The following UEVLD variants were observed in gnomAD, a reference collection of about 807,000 sequenced individuals.
UEVLD encodes ubiquitin-conjugating enzyme E2 variant 3.
UEVLD carries 47 observed loss-of-function variants against 58.6 expected under a neutral mutation model. The ratio of observed to expected loss-of-function variants is 0.80; its 90% CI spans 0.63 to 1.02. The LOEUF (loss-of-function observed/expected upper bound fraction) is 1.02. Among genes scored for constraint, UEVLD ranks in the 50% least tolerant of loss-of-function variants. UEVLD has a pLI of 0.00. For missense variants in UEVLD, 510 were observed against 550.6 expected (o/e 0.93, Z 0.74); for synonymous variants, 197 against 195.3 (o/e 1.01, Z -0.07).
At chr11:18,568,546 C>A (rs1341297870) in intron 4 of UEVLD, among the ~76,000 whole-genome samples, 1 of 152,172 alleles carries the variant, frequency 6.6e-6, no homozygotes, top group Non-Finnish European at 1.5e-5. Context: ...GTCCTTCCAA[C>A]TGACAAATTT....
chr11:18,557,326 G>T (rs1381874790), intron 7 of UEVLD, among the ~76,000 whole-genome samples: 3 of 150,620 alleles, frequency 2.0e-5, no homozygotes, highest in Non-Finnish European at 3.0e-5. Flanking sequence ...TAATTTTTTT[G>T]TATTTTTAGT....
At chr11:18,550,195 C>T (rs1347585919) in intron 7 of UEVLD, among the ~76,000 whole-genome samples, 2 of 152,022 alleles carry the variant, frequency 1.3e-5, no homozygotes, top group African/African-American at 2.4e-5. Context: ...GCTATGTTGC[C>T]GAGGCTGGAT....
chr11:18,538,649 A>G (rs1850916070), intron 9 of UEVLD, among the ~76,000 whole-genome samples: 1 of 127,502 alleles, frequency 7.8e-6, no homozygotes, highest in African/African-American at 2.8e-5. Flanking sequence ...TGTTGGGTAC[A>G]CAATCGAGGA....
chr11:18,576,606 G>T (rs1351006395), intron 2 of UEVLD, among the ~76,000 whole-genome samples: 1 of 152,076 alleles, frequency 6.6e-6, no homozygotes, highest in East Asian at 1.9e-4. Context: ...AAGCTTACAA[G>T]ATTCTGGTCC....
At chr11:18,540,305 A>G (rs867641760) in intron 9 of UEVLD, among the ~76,000 whole-genome samples, 48 of 152,332 alleles carry the variant, frequency 3.2e-4, no homozygotes, top group African/African-American at 1.1e-3. Context: ...GAGATATGCA[A>G]AATATTTAAT....
intron 8 of UEVLD, among the ~76,000 whole-genome samples, chr11:18,545,075 T>TCTATATATATA (rs60959151): frequency 0.02 from 2,325 of 117,186 alleles, 49 homozygotes; most frequent in Middle Eastern, 0.033. Context: ...TATATCTATA[T>TCTATATATATA]TTTTTTTTTT....
At chr11:18,581,849 T>C (rs1436663370) in intron 1 of UEVLD, among the ~76,000 whole-genome samples, 2 of 152,200 alleles carry the variant, frequency 1.3e-5, no homozygotes, top group Non-Finnish European at 2.9e-5. Context: ...GATAGAATTA[T>C]GTTTTTTGGA....
chr11:18,569,039 C>T (rs532407995), intron 4 of UEVLD, among the ~76,000 whole-genome samples: 6 of 152,128 alleles, frequency 3.9e-5, no homozygotes, highest in East Asian at 1.9e-4. Flanking sequence ...GGACTACAGG[C>T]GCCCACCACC....
intron 7 of UEVLD, among the ~76,000 whole-genome samples, chr11:18,552,956 C>T (rs1417573478): frequency 6.6e-6 from 1 of 151,614 alleles, no homozygotes; most frequent in East Asian, 1.9e-4. Flanking sequence ...CAGATCGAGA[C>T]CATCCTGGCT....
At chr11:18,543,532 G>A (rs998222782) in intron 9 of UEVLD, among the ~76,000 whole-genome samples, 1 of 152,098 alleles carries the variant, frequency 6.6e-6, no homozygotes, top group Non-Finnish European at 1.5e-5. Context: ...TCAAACTCCA[G>A]ATGGCCTTTA....
Position 18,570,295 on chromosome 11 carries a change from A to G in UEVLD, c.276T>C (p.Thr92=). 1 of 1,595,786 alleles carries G rather than the reference A, an allele frequency of 6.3e-7. No homozygotes were observed. Among genetic ancestry groups the G allele is most frequent in the Non-Finnish European group, 8.5e-7 (1 of 1,175,058 alleles). The change falls in exon 4 of 12, where the codon ACT becomes ACC. Residue 92 remains threonine (T), a synonymous_variant. Coordinates refer to ENST00000396197, the MANE Select transcript of UEVLD (RefSeq NM_001040697.4). ...FAPPICFLKP[T]ANMGILVGKH... ...TTCCGACTAAGATTCCCATATTTGC[A>G]GTTGGCTTCAAGAAGCAAATAGGGG...
chr11:18,547,601 C>A (rs2133980515), intron 7 of UEVLD, among the ~76,000 whole-genome samples: 1 of 152,176 alleles, frequency 6.6e-6, no homozygotes, highest in East Asian at 1.9e-4. Flanking sequence ...GATCTAAAAC[C>A]TACAAACAAG....
At chr11:18,560,134 CACACAGAG>C (rs756820368) in intron 6 of UEVLD, among the ~76,000 whole-genome samples, 2,703 of 88,682 alleles carry the variant, frequency 0.03, 106 homozygotes, top group East Asian at 0.094. Context: ...CACACACACA[CACACAGAG>C]AGAGAAAGAA....
chr11:18,578,860 A>G, intron 1 of UEVLD, 52 bp from the exon 2 acceptor site: 1 of 1,363,786 alleles, frequency 7.3e-7, no homozygotes, highest in Middle Eastern at 1.9e-4. Flanking sequence ...AAGCAAAAGA[A>G]CAATTGCAGT....
chr11:18,558,401 G>C, intron 6 of UEVLD, 71 bp from the exon 7 acceptor site: 2 of 1,001,144 alleles, frequency 2.0e-6, no homozygotes, highest in Non-Finnish European at 2.9e-6. Flanking sequence ...TCAACAATGA[G>C]GACTAAAGGA....
At chr11:18,585,476 T>C (rs907184064) in intron 1 of UEVLD, among the ~76,000 whole-genome samples, 2 of 152,182 alleles carry the variant, frequency 1.3e-5, no homozygotes, top group Admixed American at 1.3e-4. Flanking sequence ...CTGTTTTATA[T>C]TGCATTTCCA....
At chr11:18,560,947 G>A (rs979382055) in intron 6 of UEVLD, among the ~76,000 whole-genome samples, 2 of 151,884 alleles carry the variant, frequency 1.3e-5, no homozygotes, top group Non-Finnish European at 2.9e-5. Context: ...GGAGGTGGAG[G>A]TTGCAGTGAG....
chr11:18,569,723 G>A (rs1852494461), intron 4 of UEVLD, among the ~76,000 whole-genome samples: 1 of 152,102 alleles, frequency 6.6e-6, no homozygotes, highest in African/African-American at 2.4e-5. Context: ...ATAACATGAG[G>A]ACATAAAACA....
chr11:18,545,660 G>A (rs1461181676), intron 8 of UEVLD, among the ~76,000 whole-genome samples: 2 of 150,510 alleles, frequency 1.3e-5, no homozygotes, highest in Non-Finnish European at 3.0e-5. Flanking sequence ...GGCCAGGCTG[G>A]TCTCAAACTC....
Sources: allele counts gnomAD v4.1 joint callset (sites outside exome capture counted in the v4.1 genomes callset), GRCh38; gene constraint gnomAD v4.1.1; transcripts MANE v1.5; gene names NCBI Gene and HGNC (gene_info 2026-07-23, HGNC 2026-07-21).